The following SLC25A13 variants were observed in gnomAD, a reference collection of about 807,000 sequenced individuals.
SLC25A13 encodes the protein electrogenic aspartate/glutamate antiporter SLC25A13, mitochondrial.
Under a neutral mutation model 85.5 loss-of-function variants are expected in SLC25A13, and 70 were observed. The ratio of observed to expected loss-of-function variants is 0.82; its 90% confidence interval spans 0.68 to 1.00. The LOEUF (loss-of-function observed/expected upper bound fraction) is 1.00. Among genes scored for constraint, SLC25A13 ranks in the 50% least tolerant of loss-of-function variants. The probability of loss-of-function intolerance (pLI) is 0.00; values close to 1 mark genes in which losing one functional copy is unlikely to be tolerated. For synonymous variants in SLC25A13, 259 were observed against 288.7 expected (o/e 0.90, Z 1.04); for missense variants, 765 against 819.8 (o/e 0.93, Z 0.82).
chr7:96,172,767 A>ATT (rs111484924), intron 11 of SLC25A13, among the ~76,000 whole-genome samples: 7 of 147,334 alleles, frequency 4.8e-5, no homozygotes, highest in African/African-American at 1.5e-4. Context: ...GCCAGTTTGT[A>ATT]TTTTTTTTTT....
chr7:96,279,073 C>T (rs543730264), intron 2 of SLC25A13, among the ~76,000 whole-genome samples: 1 of 152,206 alleles, frequency 6.6e-6, no homozygotes, highest in South Asian at 2.1e-4. Context: ...TTTTCAAAGG[C>T]TAGGCTCCCA....
intron 2 of SLC25A13, among the ~76,000 whole-genome samples, chr7:96,282,868 T>C (rs1279853863): frequency 6.6e-6 from 1 of 152,198 alleles, no homozygotes; most frequent in Non-Finnish European, 1.5e-5. Context: ...TATTGCTCTA[T>C]TTATTTAAAA....
intron 3 of SLC25A13, among the ~76,000 whole-genome samples, chr7:96,249,622 G>A (rs562540279): frequency 6.6e-6 from 1 of 152,110 alleles, no homozygotes; most frequent in South Asian, 2.1e-4. Context: ...TTCTTACCAA[G>A]TTCTATGTCT....
chr7:96,245,361 C>G, intron 3 of SLC25A13, among the ~76,000 whole-genome samples: 1 of 152,114 alleles, frequency 6.6e-6, no homozygotes. Flanking sequence ...TCTCTTTTAA[C>G]CTTCAAGTCA....
chr7:96,157,728 G>C (rs1386249284), intron 13 of SLC25A13, among the ~76,000 whole-genome samples: 1 of 152,142 alleles, frequency 6.6e-6, no homozygotes, highest in African/African-American at 2.4e-5. Context: ...TTGAACCCAG[G>C]AGGCGGAGGT....
chr7:96,137,888 G>T (rs1305758348), intron 14 of SLC25A13, among the ~76,000 whole-genome samples: 1 of 152,204 alleles, frequency 6.6e-6, no homozygotes, highest in African/African-American at 2.4e-5. Context: ...ACTCTCTGCT[G>T]TGATTCTGGG....
At chr7:96,234,773 A>G in intron 4 of SLC25A13, 29 bp downstream of exon 4, 1 of 1,534,706 alleles carries the variant, frequency 6.5e-7, no homozygotes, top group Non-Finnish European at 9.0e-7. Context: ...CCACACTTAC[A>G]CAGACGTGCA....
chr7:96,183,467 T>G (rs1433023775), intron 11 of SLC25A13, among the ~76,000 whole-genome samples: 1 of 152,196 alleles, frequency 6.6e-6, no homozygotes, highest in Non-Finnish European at 1.5e-5. Context: ...GGGAAAACTC[T>G]GCCAGCTTTG....
intron 2 of SLC25A13, among the ~76,000 whole-genome samples, chr7:96,293,829 G>A (rs1799228687): frequency 6.6e-6 from 1 of 152,194 alleles, no homozygotes; most frequent in Non-Finnish European, 1.5e-5. Context: ...TACACTGTTG[G>A]TGGGACTGTA....
chr7:96,217,714 C>T (rs1475733002), intron 4 of SLC25A13, among the ~76,000 whole-genome samples: 5 of 151,884 alleles, frequency 3.3e-5, no homozygotes, highest in Admixed American at 2.6e-4. Context: ...TAACAACTGC[C>T]AGGGGATGGA....
chr7:96,159,440 C>G (rs1226558169), intron 13 of SLC25A13, among the ~76,000 whole-genome samples: 1 of 152,066 alleles, frequency 6.6e-6, no homozygotes, highest in Non-Finnish European at 1.5e-5. Flanking sequence ...GAGATTAAGA[C>G]ACAGACGACA....
chr7:96,243,331 G>A (rs1457912611), intron 3 of SLC25A13, among the ~76,000 whole-genome samples: 1 of 152,118 alleles, frequency 6.6e-6, no homozygotes, highest in African/African-American at 2.4e-5. Flanking sequence ...GATAAGCCAT[G>A]CCCCAGGCAC....
intron 14 of SLC25A13, among the ~76,000 whole-genome samples, chr7:96,144,339 G>A (rs1442265037): frequency 1.3e-5 from 2 of 152,064 alleles, no homozygotes; most frequent in Admixed American, 6.6e-5. Context: ...CCTGACTCCC[G>A]GGTCTCTGAA....
chr7:96,315,207 T>C (rs1800087193), intron 1 of SLC25A13, among the ~76,000 whole-genome samples: 2 of 152,134 alleles, frequency 1.3e-5, no homozygotes, highest in East Asian at 3.9e-4. Flanking sequence ...TACATACCCC[T>C]CCTTTGAACT....
chr7:96,287,330 C>A (rs1429245308), intron 2 of SLC25A13, among the ~76,000 whole-genome samples: 2 of 152,164 alleles, frequency 1.3e-5, no homozygotes, highest in Non-Finnish European at 1.5e-5. Context: ...GGTATGGTCC[C>A]CCTGACGTCA....
intron 3 of SLC25A13, among the ~76,000 whole-genome samples, chr7:96,236,169 A>T (rs56011138): frequency 0.048 from 7,338 of 152,298 alleles, 256 homozygotes; most frequent in Middle Eastern, 0.082. Context: ...GGAAAAACGC[A>T]GTGTGTTCAA....
intron 4 of SLC25A13, among the ~76,000 whole-genome samples, chr7:96,220,256 C>T (rs998652156): frequency 3.3e-5 from 5 of 152,182 alleles, no homozygotes; most frequent in African/African-American, 9.7e-5. Context: ...TTTCCTTAGA[C>T]GGATATTATC....
At chr7:96,244,891 C>T (rs80039984) in intron 3 of SLC25A13, among the ~76,000 whole-genome samples, 1,701 of 152,226 alleles carry the variant, frequency 0.011, 30 homozygotes, top group African/African-American at 0.038. Flanking sequence ...TTTACTGTAT[C>T]GTTATCACAA....
chr7:96,256,860 A>G (rs890332422), intron 3 of SLC25A13, among the ~76,000 whole-genome samples: 2 of 152,212 alleles, frequency 1.3e-5, no homozygotes, highest in Non-Finnish European at 2.9e-5. Context: ...GGAAATCAAA[A>G]CAGTCTCTCA....
Sources: allele counts gnomAD v4.1 joint callset (sites outside exome capture counted in the v4.1 genomes callset), GRCh38; gene constraint gnomAD v4.1.1; transcripts MANE v1.5; gene names NCBI Gene and HGNC (gene_info 2026-07-23, HGNC 2026-07-21).